Variants in MYO16 observed in about 807,000 individuals in gnomAD.
The protein encoded by MYO16 is unconventional myosin-XVI.
MYO16 carries 94 observed loss-of-function variants against 205.3 expected under a neutral mutation model. The ratio of observed to expected loss-of-function variants is 0.46; its 90% CI spans 0.39 to 0.54. The LOEUF (loss-of-function observed/expected upper bound fraction) is 0.54. MYO16 is among the 20% of genes least tolerant of loss of function. The probability of loss-of-function intolerance (pLI) is 0.00; values close to 1 mark genes in which losing one functional copy is unlikely to be tolerated. For synonymous variants in MYO16, 988 were observed against 954.0 expected, an observed-to-expected ratio of 1.04 and a Z score of -0.66; for missense variants, 2,315 against 2,387.5, an observed-to-expected ratio of 0.97 and a Z score of 0.63.
chr13:109,127,405 G>T lies in MYO16; in HGVS notation c.3906G>T (p.Val1302=), dbSNP rs536390163. 272 of 1,614,040 alleles carry T rather than the reference G, an allele frequency of 1.7e-4. 1 individual carries two copies. The South Asian group carries it at 2.5e-3, about 15-fold the overall frequency. Residue 1302 remains valine, a synonymous_variant, in exon 31 of 35, where the codon GTG becomes GTT. Coordinates refer to ENST00000457511, the MANE Select transcript of MYO16 (RefSeq NM_001198950.3). The surrounding 1 kb of genome is among the most constrained non-coding windows in gnomAD (Gnocchi z 4.2). ...TCTGGTCTCCTTCGCTGCACTCGGT[G>T]TTCAGCATGGATGACAGCAGCAGCC... ...PSIWSPSLHS[V]FSMDDSSSLP...
chr13:108,635,496 T>C (rs1251763804), intron 1 of MYO16, among the ~76,000 whole-genome samples: 1 of 146,158 alleles, frequency 6.8e-6, no homozygotes, highest in African/African-American at 2.6e-5. Flanking sequence ...GTGTAGATGG[T>C]TTACCTATTT....
At chr13:108,947,500 A>G (rs1271257093) in intron 16 of MYO16, among the ~76,000 whole-genome samples, 1 of 152,150 alleles carries the variant, frequency 6.6e-6, no homozygotes, top group African/African-American at 2.4e-5. Context: ...ACACTTTCTG[A>G]GCAAAAAGGT....
At chr13:108,919,498 G>A (rs1294016741) in intron 16 of MYO16, among the ~76,000 whole-genome samples, 1 of 91,254 alleles carries the variant, frequency 1.1e-5, no homozygotes, top group African/African-American at 3.6e-5. Context: ...TCGTTAACCG[G>A]TTCTTTGACA....
chr13:108,938,947 T>C (rs1185220469), intron 16 of MYO16, among the ~76,000 whole-genome samples: 1 of 152,164 alleles, frequency 6.6e-6, no homozygotes, highest in Non-Finnish European at 1.5e-5. Flanking sequence ...GCTGCAAGAC[T>C]CACCGCTCAG....
chr13:108,658,689 T>C (rs963426993), intron 1 of MYO16, among the ~76,000 whole-genome samples: 3 of 152,128 alleles, frequency 2.0e-5, no homozygotes, highest in Non-Finnish European at 4.4e-5. Context: ...TTTCTGAACA[T>C]ATGGGGAGGT....
chr13:109,084,946 G>A (rs116307591), intron 27 of MYO16, among the ~76,000 whole-genome samples: 2,651 of 152,248 alleles, frequency 0.017, 73 homozygotes, highest in African/African-American at 0.061. Flanking sequence ...GGGTTTATGG[G>A]TAGAGCTTTA....
chr13:108,974,116 C>CT (rs376055979), intron 20 of MYO16, among the ~76,000 whole-genome samples: 14 of 152,138 alleles, frequency 9.2e-5, no homozygotes, highest in African/African-American at 3.1e-4. Flanking sequence ...TAATTCTGCA[C>CT]TTTGATTTTG....
At chr13:108,550,115 G>A in the MYO16 span, among the ~76,000 whole-genome samples, 1 of 152,228 alleles carries the variant, frequency 6.6e-6, no homozygotes, top group Non-Finnish European at 1.5e-5. Flanking sequence ...AAGAAGTGAA[G>A]CATCTGAGCA....
chr13:108,908,345 A>C (rs571291185), intron 15 of MYO16, among the ~76,000 whole-genome samples: 1 of 152,290 alleles, frequency 6.6e-6, no homozygotes, highest in African/African-American at 2.4e-5. Flanking sequence ...TTAATTTTGA[A>C]ATTTTTAAAA....
At chr13:108,868,917 CAAA>C (rs34882433) in intron 12 of MYO16, among the ~76,000 whole-genome samples, 3 of 138,324 alleles carry the variant, frequency 2.2e-5, no homozygotes. Context: ...GAGACTCTGT[CAAA>C]AAAAAAAAAA....
intron 2 of MYO16, among the ~76,000 whole-genome samples, chr13:108,667,559 A>G (rs1213466430): frequency 6.6e-6 from 1 of 152,108 alleles, no homozygotes; most frequent in Non-Finnish European, 1.5e-5. Flanking sequence ...CTGTGAGCAC[A>G]TCGAAGGTAG....
chr13:108,580,932 T>C, the MYO16 span, among the ~76,000 whole-genome samples: 1 of 152,206 alleles, frequency 6.6e-6, no homozygotes, highest in East Asian at 1.9e-4. Flanking sequence ...CTAAGAATAC[T>C]GAGAAAAATG....
intron 23 of MYO16, among the ~76,000 whole-genome samples, chr13:109,035,232 C>A (rs1472320573): frequency 6.6e-6 from 1 of 151,608 alleles, no homozygotes; most frequent in Non-Finnish European, 1.5e-5. Context: ...TTTTTTCCCT[C>A]TACAAGAACT....
At chr13:109,169,627 TAAA>T (rs35221178) in intron 33 of MYO16, among the ~76,000 whole-genome samples, 9 of 148,968 alleles carry the variant, frequency 6.0e-5, no homozygotes, top group African/African-American at 2.2e-4. Context: ...AATACATTCT[TAAA>T]AAAAAAAGAA....
chr13:108,856,614 C>T (rs67122719), intron 11 of MYO16, among the ~76,000 whole-genome samples: 20,127 of 151,650 alleles, frequency 0.13, 1,548 homozygotes, highest in South Asian at 0.24. Flanking sequence ...AACATTTTTT[C>T]ATCTTTTTTC....
chr13:108,816,827 A>C (rs1875640370), intron 7 of MYO16, among the ~76,000 whole-genome samples: 1 of 152,194 alleles, frequency 6.6e-6, no homozygotes, highest in African/African-American at 2.4e-5. Context: ...ACTACAATAC[A>C]TATATCCGAA....
At chr13:109,072,526 C>G (rs1382933241) in intron 27 of MYO16, among the ~76,000 whole-genome samples, 3 of 151,710 alleles carry the variant, frequency 2.0e-5, no homozygotes, top group Non-Finnish European at 4.4e-5. Context: ...TCCAGGGAAT[C>G]CTCTTTTTCT....
chr13:109,072,438 T>A (rs1887952015), intron 27 of MYO16, among the ~76,000 whole-genome samples: 1 of 152,174 alleles, frequency 6.6e-6, no homozygotes, highest in Non-Finnish European at 1.5e-5. Context: ...CTGGGCCTGG[T>A]ACAAGGTTAC....
chr13:109,066,587 A>G (rs382168), intron 27 of MYO16, among the ~76,000 whole-genome samples: 113,393 of 152,062 alleles, frequency 0.75, 42,322 homozygotes, highest in East Asian at 0.89. Context: ...GCTGCTCAGT[A>G]CATTATGGAT....
Sources: gnomAD v4.1 joint callset for allele counts (sites outside exome capture counted in the v4.1 genomes callset) on GRCh38, gnomAD v4.1.1 for gene constraint, Gnocchi (gnomAD v3.1) non-coding constraint, MANE v1.5 for transcripts, NCBI Gene and HGNC (gene_info 2026-07-23, HGNC 2026-07-21) for gene names.